Variants in RNF40 observed in about 807,000 individuals in gnomAD.
The protein encoded by RNF40 is E3 ubiquitin-protein ligase BRE1B.
Under a neutral mutation model 123.3 loss-of-function variants are expected in RNF40, and 39 were observed. The ratio of observed to expected loss-of-function variants is 0.32; its 90% CI spans 0.24 to 0.41. The LOEUF (loss-of-function observed/expected upper bound fraction) is 0.41. Ranked by LOEUF, RNF40 falls within the 10% of genes least tolerant of loss-of-function variation. RNF40 has a pLI of 1.00. For missense variants in RNF40, 1,003 were observed against 1,319.9 expected (o/e 0.76, Z 3.72); for synonymous variants, 538 against 526.0 (o/e 1.02, Z -0.31).
intron 17 of RNF40, among the ~76,000 whole-genome samples, chr16:30,770,725 T>G (rs545629495): frequency 1.3e-5 from 2 of 152,338 alleles, no homozygotes; most frequent in African/African-American, 4.8e-5. Flanking sequence ...TGTTGTTGTT[T>G]TTTTTAGACG....
At position 30,766,134 on chromosome 16, in the gene RNF40, C is replaced by G. The variant is rs1469689482; in HGVS notation, c.994-29C>G. On this transcript the variant is annotated intron_variant, in intron 8 of 19. Coordinates refer to ENST00000324685, the MANE Select transcript of RNF40 (RefSeq NM_014771.4). This position sits in a 1 kb window ranked among gnomAD's most constrained non-coding sequence, Gnocchi z 5.4. Reference sequence around the variant, plus strand: ...GGCCTGCTGCCACGTCTGGCCCTGCCTCCCATGGCCCTGCCTCCCACTCCT... The same window carrying G: ...GGCCTGCTGCCACGTCTGGCCCTGCGTCCCATGGCCCTGCCTCCCACTCCT... 2.5e-6 allele frequency: 4 copies of G among 1,613,224 alleles called. No homozygotes were observed. Among genetic ancestry groups the G allele is most frequent in the African/African-American group, 1.3e-5 (1 of 74,908 alleles).
chr16:30,762,389 G>A lies in RNF40; in HGVS notation c.-72+29G>A, dbSNP rs555201273. 1,191 of 743,624 alleles carry A rather than the reference G, an allele frequency of 1.6e-3. 4 individuals are homozygous for A. Among genetic ancestry groups the A allele is most frequent in the Middle Eastern group, 2.8e-3 (7 of 2,520 alleles). The allele number at this position is 743,624 out of a possible 1,614,324, so 46.1% of individuals were successfully genotyped here. Reference sequence around the variant, plus strand: ...AGGGCTCTGGCGCCGGGGGGGACGGGATCCAGCAGGTGTGTGCAGGGTGGA... The same window carrying A: ...AGGGCTCTGGCGCCGGGGGGGACGGAATCCAGCAGGTGTGTGCAGGGTGGA... On this transcript the variant is annotated intron_variant, in intron 1 of 19. Transcript: ENST00000324685.
chr16:30,769,112 G>GT, intron 15 of RNF40, 74 bp from the exon 16 acceptor site: 1 of 1,597,510 alleles, frequency 6.3e-7, no homozygotes, highest in Non-Finnish European at 8.6e-7. Flanking sequence ...GCTTCGCTGC[G>GT]TTTTCCCATG....
chr16:30,765,801 A>G (rs1325760627), intron 8 of RNF40, among the ~76,000 whole-genome samples: 1 of 152,268 alleles, frequency 6.6e-6, no homozygotes, highest in Non-Finnish European at 1.5e-5. Flanking sequence ...GTAAAATAGC[A>G]TATCAGTGTG....
At chr16:30,762,772 G>C in intron 2 of RNF40, 95 bp downstream of exon 2, 2 of 1,484,238 alleles carry the variant, frequency 1.3e-6, no homozygotes, top group Admixed American at 2.2e-5. Flanking sequence ...ACTTCCCCAA[G>C]TTTAGCAAGG....
chr16:30,775,003 GAC>G lies in RNF40; in HGVS notation c.*892_*893del, dbSNP rs1005470116. The G allele has an allele frequency of 1.5e-5, 7 of 456,368 alleles. No individual in the cohort carries two copies. The highest frequency in any genetic ancestry group is 1.4e-4 in the African/African-American group (7 of 50,052). The allele number at this position is 456,368 out of a possible 1,614,324, so 28.3% of individuals were successfully genotyped here. ...ATTCCAGCTAGAAGAGCTTCCCCCT[GAC>G]ACCCTGTGACTGAGCCTGTGTCCTG... On this transcript the variant is annotated 3_prime_UTR_variant, in exon 20 of 20. Transcript: ENST00000324685.
intron 5 of RNF40, 112 bp downstream of exon 5, chr16:30,764,497 G>A (rs1251779820): frequency 3.3e-6 from 3 of 915,760 alleles, no homozygotes; most frequent in African/African-American, 1.7e-5. Flanking sequence ...AATTTCCCAA[G>A]GAATAAATCA....
In RNF40 at chr16:30,773,883, T is replaced by G. The variant is rs944932520; in HGVS notation, c.2830-55T>G. The stretch of plus-strand genomic sequence containing the variant: ...GCCTGGACTCCTCCTGCTGTCAGCT[T>G]GGGGTCTGGGCACTGTCAGAGTTGT... On this transcript the variant is annotated intron_variant, in intron 19 of 19. Transcript: ENST00000324685. The G allele has an allele frequency of 5.1e-6, 8 of 1,557,058 alleles. No individual in the cohort carries two copies. In the Admixed American group the frequency reaches 8.9e-5, roughly 17 times the overall value.
chr16:30,775,173 T>C lies in RNF40; in HGVS notation c.*1059T>C. On this transcript the variant is annotated 3_prime_UTR_variant, in exon 20 of 20. Coordinates refer to ENST00000324685, the MANE Select transcript of RNF40 (RefSeq NM_014771.4). ...GCTGTTAATTGTGATGAATAAACGT[T>C]CAACCCTCGGCCTGCAGCCAGAGTA... 2 of 360,506 alleles carry C rather than the reference T, an allele frequency of 5.5e-6. No homozygotes were observed. Among genetic ancestry groups the C allele is most frequent in the South Asian group, 4.1e-5 (2 of 48,928 alleles). The allele number at this position is 360,506 out of a possible 1,614,324, so 22.3% of individuals were successfully genotyped here.
In RNF40 at chr16:30,766,429, C is replaced by T; in HGVS notation, c.1164C>T (p.Tyr388=). ...PEEVVRETGE[Y]RMLQAQFSLL... is the part of the protein sequence containing the mutation. Reference sequence around the variant, plus strand: ...AGGTAGTGCGGGAGACGGGGGAGTACCGCATGCTGCAGGCCCAATTCTCAC... The same window carrying T: ...AGGTAGTGCGGGAGACGGGGGAGTATCGCATGCTGCAGGCCCAATTCTCAC... Residue 388 remains tyrosine, a synonymous_variant, in exon 10 of 20, where the codon TAC becomes TAT. Transcript: ENST00000324685. The surrounding 1 kb of genome is among the most constrained non-coding windows in gnomAD (Gnocchi z 5.4). 3 of 1,613,940 alleles carry T rather than the reference C, an allele frequency of 1.9e-6. No homozygotes were observed. The highest frequency in any genetic ancestry group is 2.5e-6 in the Non-Finnish European group (3 of 1,179,952).
chr16:30,770,336 T>C (rs2054126332), intron 17 of RNF40, among the ~76,000 whole-genome samples: 1 of 151,892 alleles, frequency 6.6e-6, no homozygotes, highest in South Asian at 2.1e-4. Context: ...GGTATCGAAC[T>C]CCTGACCTTG....
At position 30,769,171 on chromosome 16, in the gene RNF40, G is replaced by A. The variant is rs1471502176; in HGVS notation, c.2248-15G>A. On this transcript the variant is annotated splice_polypyrimidine_tract_variant and intron_variant, in intron 15 of 19. Transcript: ENST00000324685. ...ACTTCCCACGTTCCATCTTGTCTCT[G>A]CCCACTTGCTGCAGGAGGAGGAGGC... 2 of 1,613,518 alleles carry A rather than the reference G, an allele frequency of 1.2e-6. No homozygotes were observed. The highest frequency in any genetic ancestry group is 1.3e-5 in the African/African-American group (1 of 74,930).
rs1272496607 is a variant in RNF40 at position 30,771,824 on chromosome 16, C to G, written c.2587-9C>G. 1 of 1,559,158 alleles carries G rather than the reference C, an allele frequency of 6.4e-7. No individual in the cohort carries two copies. Among genetic ancestry groups the G allele is most frequent in the African/African-American group, 1.4e-5 (1 of 73,478 alleles). Reference sequence around the variant, plus strand: ...GACCAGTGCCTCCTTCCTGTTCCACCCTACTCAGGCTGTAGAAGCCGCCCA... The same window carrying G: ...GACCAGTGCCTCCTTCCTGTTCCACGCTACTCAGGCTGTAGAAGCCGCCCA... On this transcript the variant is annotated splice_polypyrimidine_tract_variant and intron_variant, in intron 17 of 19. Coordinates refer to ENST00000324685, the MANE Select transcript of RNF40 (RefSeq NM_014771.4).
intron 4 of RNF40, 81 bp downstream of exon 4, chr16:30,763,640 C>T: frequency 1.4e-6 from 2 of 1,438,544 alleles, no homozygotes; most frequent in South Asian, 2.4e-5. Flanking sequence ...TGTTGGGCCC[C>T]TGAATTGCCT....
Position 30,766,021 on chromosome 16 carries a change from T to C in RNF40, c.994-142T>C. On this transcript the variant is annotated intron_variant, in intron 8 of 19. Transcript: ENST00000324685. The surrounding 1 kb of genome is among the most constrained non-coding windows in gnomAD (Gnocchi z 5.4). ...TTTCTCCCATTTTTCTGGGAGCCCT[T>C]AGGAAAGTACTTGGTTTGGGGTGTC... The C allele has an allele frequency of 8.5e-7, 1 of 1,173,328 alleles. No homozygotes were observed. Among genetic ancestry groups the C allele is most frequent in the Non-Finnish European group, 1.2e-6 (1 of 815,802 alleles). 72.7% of individuals were successfully genotyped at this position (1,173,328 alleles called of 1,614,324 possible).
At chr16:30,762,000 G>T, upstream of RNF40, 1 of 539,060 alleles carries the variant, frequency 1.9e-6, no homozygotes, top group Non-Finnish European at 3.2e-6. Flanking sequence ...CGAAGAGAAC[G>T]CGCAGATACG....
At chr16:30,762,277 T>G (rs1317307554), upstream of RNF40, 25 of 401,242 alleles carry the variant, frequency 6.2e-5, no homozygotes, top group East Asian at 9.9e-5. Context: ...TGCGCACCGT[T>G]GGGGGGGGGG....
At chr16:30,764,584 A>T (rs527450206) in intron 5 of RNF40, among the ~76,000 whole-genome samples, 199 bp downstream of exon 5, 5 of 152,054 alleles carry the variant, frequency 3.3e-5, no homozygotes, top group Non-Finnish European at 7.4e-5. Flanking sequence ...TGCTAGAGAG[A>T]TGGGTTGGAG....
intron 4 of RNF40, 69 bp from the exon 5 acceptor site, chr16:30,764,110 C>A: frequency 2.3e-6 from 3 of 1,331,700 alleles, no homozygotes; most frequent in South Asian, 1.3e-5. Context: ...AGGGCTCAGT[C>A]TGGAACTTGG....
Sources: gnomAD v4.1 joint callset for allele counts (sites outside exome capture counted in the v4.1 genomes callset) on GRCh38, gnomAD v4.1.1 for gene constraint, Gnocchi (gnomAD v3.1) non-coding constraint, MANE v1.5 for transcripts, NCBI Gene and HGNC (gene_info 2026-07-23, HGNC 2026-07-21) for gene names.